The following TWSG1 variants were observed in gnomAD, a reference collection of about 807,000 sequenced individuals.
The protein encoded by TWSG1 is twisted gastrulation BMP signaling modulator 1, also known as twisted gastrulation protein homolog 1.
Under a neutral mutation model 23.0 loss-of-function variants are expected in TWSG1, and 15 were observed. The ratio of observed to expected loss-of-function variants is 0.65; its 90% CI spans 0.44 to 1.00. The LOEUF is 1.00. Among genes scored for constraint, TWSG1 ranks in the 50% least tolerant of loss-of-function variants. TWSG1 has a pLI of 0.00. For synonymous variants in TWSG1, 86 were observed against 92.8 expected, an observed-to-expected ratio of 0.93 and a Z score of 0.42; for missense variants, 242 against 278.7, an observed-to-expected ratio of 0.87 and a Z score of 0.94.
intron 2 of TWSG1, among the ~76,000 whole-genome samples, chr18:9,343,411 A>C (rs1320949683): frequency 6.6e-6 from 1 of 151,772 alleles, no homozygotes; most frequent in Admixed American, 6.6e-5. Flanking sequence ...TTTTTTTAAA[A>C]AACAGTTTTA....
intron 2 of TWSG1, among the ~76,000 whole-genome samples, chr18:9,343,393 T>C (rs1428753647): frequency 6.6e-6 from 1 of 151,794 alleles, no homozygotes; most frequent in Non-Finnish European, 1.5e-5. Context: ...ATGGATTCTC[T>C]GTTAGATTTT....
intron 3 of TWSG1, among the ~76,000 whole-genome samples, chr18:9,383,270 T>C (rs1598832865): frequency 6.7e-6 from 1 of 148,298 alleles, no homozygotes; most frequent in East Asian, 2.1e-4. Flanking sequence ...TCTTGGCCAC[T>C]GCAGACTCCG....
intron 3 of TWSG1, among the ~76,000 whole-genome samples, chr18:9,394,707 TATC>T (rs77671666): frequency 0.061 from 9,322 of 152,230 alleles, 321 homozygotes; most frequent in Non-Finnish European, 0.08. Context: ...AAAAACATTT[TATC>T]ATTGCATTTG....
Position 9,395,682 on chromosome 18 carries a change from C to T in TWSG1, c.224-598C>T, listed in dbSNP as rs560218658. On this transcript the variant is annotated intron_variant, in intron 3 of 4. Coordinates refer to ENST00000262120, the MANE Select transcript of TWSG1 (RefSeq NM_020648.6). ...CTGGGCTCAAGAAATCCTCCCGCCT[C>T]AGCCTCCCAAGTAGCTGGGGCTACA... Among the ~76,000 whole-genome samples the T allele has an allele frequency of 8.7e-4, 133 of 152,294 alleles. 1 individual carries two copies. The South Asian group carries it at 0.027, about 31-fold the overall frequency.
intron 3 of TWSG1, among the ~76,000 whole-genome samples, chr18:9,384,632 G>C (rs372496551): frequency 6.6e-6 from 1 of 151,310 alleles, no homozygotes; most frequent in Non-Finnish European, 1.5e-5. Context: ...AGACAAATGT[G>C]CTTATGTGCT....
chr18:9,354,189 G>A (rs1230042227), intron 2 of TWSG1, among the ~76,000 whole-genome samples: 1 of 152,206 alleles, frequency 6.6e-6, no homozygotes, highest in African/African-American at 2.4e-5. Context: ...CTAATTGAAT[G>A]AAGTTGTATA....
At chr18:9,390,477 T>A (rs1178264812) in intron 3 of TWSG1, among the ~76,000 whole-genome samples, 3 of 152,066 alleles carry the variant, frequency 2.0e-5, no homozygotes, top group Non-Finnish European at 4.4e-5. Context: ...CTTCTTTTTT[T>A]AAATAGAGAT....
chr18:9,378,741 A>AT, intron 3 of TWSG1, among the ~76,000 whole-genome samples: 1 of 151,814 alleles, frequency 6.6e-6, no homozygotes, highest in East Asian at 1.9e-4. Flanking sequence ...GGAGGCCAAG[A>AT]TGGGTGGATC....
rs776994063 is a variant in TWSG1 at position 9,396,295 on chromosome 18, G to T, written c.239G>T (p.Arg80Leu). 1 of 1,613,962 alleles carries T rather than the reference G, an allele frequency of 6.2e-7. No homozygotes were observed. The highest frequency in any genetic ancestry group is 8.5e-7 in the Non-Finnish European group (1 of 1,179,996). Residue 80 changes from arginine to leucine, a missense_variant, in exon 4 of 5, where the codon CGA becomes CTA. Coordinates refer to ENST00000262120, the MANE Select transcript of TWSG1 (RefSeq NM_020648.6). ...CCDCVGMCNP[R>L]NYSDTPPTSK... ...CCCAACCCAGGTATGTGTAATCCTC[G>T]AAATTATAGTGACACACCTCCAACT... is the stretch of plus-strand genomic sequence containing the variant.
intron 2 of TWSG1, among the ~76,000 whole-genome samples, chr18:9,351,641 T>C (rs1411821675): frequency 2.9e-5 from 2 of 69,814 alleles, no homozygotes; most frequent in Admixed American, 1.5e-4. Context: ...TTTTTTTTTG[T>C]CTTTTTGTTT....
intron 3 of TWSG1, among the ~76,000 whole-genome samples, chr18:9,375,154 G>A (rs1402925904): frequency 1.2e-4 from 14 of 112,162 alleles, no homozygotes; most frequent in Admixed American, 1.2e-3. Context: ...GTGACAGAGC[G>A]ATACTCCGTC....
Position 9,400,017 on chromosome 18 carries a change from C to T in TWSG1, c.*490C>T, listed in dbSNP as rs545640406. 6.5e-6 allele frequency: 1 copy of T among 152,858 alleles called. No individual in the cohort carries two copies. Among genetic ancestry groups the T allele is most frequent in the Non-Finnish European group, 1.5e-5 (1 of 68,188 alleles). 9.5% of individuals were successfully genotyped at this position (152,858 alleles called of 1,614,324 possible). ...TAGAGTAGATATTTGATATACCACT[C>T]TGATAACTCATATAAAAATATCATC... On this transcript the variant is annotated 3_prime_UTR_variant, in exon 5 of 5. Transcript: ENST00000262120.
intron 2 of TWSG1, among the ~76,000 whole-genome samples, chr18:9,351,333 G>T (rs529309175): frequency 6.6e-6 from 1 of 152,082 alleles, no homozygotes; most frequent in East Asian, 1.9e-4. Context: ...TTACTATTTT[G>T]ATATAGCTCC....
Position 9,399,635 on chromosome 18 carries a change from T to A in TWSG1, c.*108T>A. 1.0e-6 allele frequency: 1 copy of A among 1,003,368 alleles called. No homozygotes were observed. The highest frequency in any genetic ancestry group is 1.4e-6 in the Non-Finnish European group (1 of 711,044). 62.2% of individuals were successfully genotyped at this position (1,003,368 alleles called of 1,614,324 possible). Reference sequence around the variant, plus strand: ...ATCAGAATCCCAGTAAGTTAAGTTGTAAAGACTTTGGAATAAGTTTCTTTT... The same window carrying A: ...ATCAGAATCCCAGTAAGTTAAGTTGAAAAGACTTTGGAATAAGTTTCTTTT... On this transcript the variant is annotated 3_prime_UTR_variant, in exon 5 of 5. Coordinates refer to ENST00000262120, the MANE Select transcript of TWSG1 (RefSeq NM_020648.6).
At chr18:9,335,389 A>G (rs999728973) in intron 1 of TWSG1, among the ~76,000 whole-genome samples, 6 of 152,254 alleles carry the variant, frequency 3.9e-5, no homozygotes, top group African/African-American at 1.4e-4. Flanking sequence ...GATGGTTTCT[A>G]ACTCCTTAGG....
At chr18:9,349,116 A>G (rs2040490185) in intron 2 of TWSG1, among the ~76,000 whole-genome samples, 1 of 152,094 alleles carries the variant, frequency 6.6e-6, no homozygotes, top group Non-Finnish European at 1.5e-5. Context: ...TTGCTCATAT[A>G]ATGAGGGGTT....
At chr18:9,339,521 C>T (rs111783481) in intron 2 of TWSG1, among the ~76,000 whole-genome samples, 17,638 of 152,058 alleles carry the variant, frequency 0.12, 1,192 homozygotes, top group Non-Finnish European at 0.15. Flanking sequence ...TGAGCTCAAG[C>T]GATCTGCCAA....
chr18:9,341,376 T>C (rs1414876421), intron 2 of TWSG1, among the ~76,000 whole-genome samples: 1 of 152,224 alleles, frequency 6.6e-6, no homozygotes. Flanking sequence ...AATAAATTAT[T>C]AAATTATTAG....
intron 2 of TWSG1, among the ~76,000 whole-genome samples, chr18:9,342,539 G>A (rs983855075): frequency 6.6e-6 from 1 of 152,008 alleles, no homozygotes; most frequent in Non-Finnish European, 1.5e-5. Flanking sequence ...GAATGATTTT[G>A]TTTTTCTTGA....
Sources: gnomAD v4.1 joint callset for allele counts (sites outside exome capture counted in the v4.1 genomes callset) on GRCh38, gnomAD v4.1.1 for gene constraint, MANE v1.5 for transcripts, NCBI Gene and HGNC (gene_info 2026-07-23, HGNC 2026-07-21) for gene names.